Variants in UBA52 observed in about 807,000 individuals in gnomAD.
The protein encoded by UBA52 is ubiquitin A-52 residue ribosomal protein fusion product 1.
Under a neutral mutation model 15.3 loss-of-function variants are expected in UBA52, and 1 was observed. The ratio of observed to expected loss-of-function variants is 0.07; its 90% confidence interval spans 0.02 to 0.31. The LOEUF is 0.31. Ranked by LOEUF, UBA52 falls within the 10% of genes least tolerant of loss-of-function variation. UBA52 has a pLI of 1.00. For synonymous variants in UBA52, 50 were observed against 58.3 expected, an observed-to-expected ratio of 0.86 and a Z score of 0.65; for missense variants, 87 against 168.0, an observed-to-expected ratio of 0.52 and a Z score of 2.66.
the UBA52 span, among the ~76,000 whole-genome samples, chr19:18,565,479 G>A: frequency 2.8e-3 from 429 of 152,158 alleles, 1 homozygote; most frequent in South Asian, 9.5e-3. Flanking sequence ...TGATCCAGCC[G>A]CCTTGGCCTC....
upstream of UBA52, chr19:18,569,486 G>C (rs565255863): frequency 6.5e-6 from 1 of 152,674 alleles, no homozygotes; most frequent in African/African-American, 2.4e-5. Context: ...CAGACAATCA[G>C]GCACTACAGG....
At chr19:18,564,493 C>T in the UBA52 span, among the ~76,000 whole-genome samples, 7 of 152,196 alleles carry the variant, frequency 4.6e-5, no homozygotes, top group Non-Finnish European at 7.4e-5. Flanking sequence ...TGGTGGCGGA[C>T]GCCTGTAGTC....
upstream of UBA52, among the ~76,000 whole-genome samples, chr19:18,566,858 C>T (rs969669655): frequency 2.0e-5 from 3 of 152,194 alleles, no homozygotes; most frequent in Admixed American, 1.3e-4. Context: ...AGGGGGAGCC[C>T]CCAGCCAGTG....
In UBA52 at chr19:18,574,910, T is replaced by C. The variant is rs756370524; in HGVS notation, c.231T>C (p.Ile77=). ...LHLVLRLRGG[I]IEPSLRQLAQ... ...TGGTGTTGCGCCTGCGAGGTGGCAT[T>C]ATTGAGCCTTCTCTCCGCCAGCTTG... The change falls in exon 4 of 5, where the codon ATT becomes ATC. Residue 77 remains isoleucine, a synonymous_variant. Transcript: ENST00000442744. 1.9e-6 allele frequency: 3 copies of C among 1,614,030 alleles called. No homozygotes were observed. The highest frequency in any genetic ancestry group is 2.5e-6 in the Non-Finnish European group (3 of 1,180,014).
rs943894748 is a variant in UBA52, at chr19:18,572,857, C to T, written c.-8-436C>T. On this transcript the variant is annotated intron_variant, in intron 1 of 4. Transcript: ENST00000442744. ...GTGTTGTAGGGGATGGCTTCCCATC[C>T]AGGCTGGCAGCAGGAGCAGCCTGTG... The T allele has an allele frequency of 7.8e-6, 8 of 1,028,390 alleles. No individual in the cohort carries two copies. The East Asian group carries it at 5.3e-4, about 68-fold the overall frequency. 63.7% of individuals were successfully genotyped at this position (1,028,390 alleles called of 1,614,324 possible).
Position 18,572,995 on chromosome 19 carries a change from T to A in UBA52, c.-8-298T>A, listed in dbSNP as rs41292113. On this transcript the variant is annotated intron_variant, in intron 1 of 4. Transcript: ENST00000442744. Reference sequence around the variant, plus strand: ...CCATCAGGAGATACTGACGAGTCCTTCCGCCGCTAAACCTAAGGAGAATAA... The same window carrying A: ...CCATCAGGAGATACTGACGAGTCCTACCGCCGCTAAACCTAAGGAGAATAA... 67 of 1,221,236 alleles carry A rather than the reference T, an allele frequency of 5.5e-5. No homozygotes were observed. In the African/African-American group the frequency reaches 9.3e-4, roughly 17 times the overall value. 75.6% of individuals were successfully genotyped at this position (1,221,236 alleles called of 1,614,324 possible). A position where few individuals can be genotyped will look rare whatever the true frequency, so the allele number is the denominator to read the frequency against.
upstream of UBA52, chr19:18,567,398 C>A: frequency 3.1e-6 from 2 of 654,304 alleles, no homozygotes; most frequent in Admixed American, 2.3e-5. Flanking sequence ...CGTGGGGAGG[C>A]CGCACAGGAG....
upstream of UBA52, chr19:18,567,097 C>G (rs774047353): frequency 1.9e-6 from 3 of 1,610,234 alleles, no homozygotes; most frequent in Non-Finnish European, 2.5e-6. Context: ...ACCTGCTCAG[C>G]AGGTTAAGCC....
At chr19:18,572,910 A>G in intron 1 of UBA52, 2 of 1,085,844 alleles carry the variant, frequency 1.8e-6, no homozygotes, top group South Asian at 2.5e-5. Context: ...GCCGTGGAAG[A>G]GGGTGGGACC....
At position 18,574,857 on chromosome 19, in the gene UBA52, C is replaced by T; in HGVS notation, c.191-13C>T. The T allele has an allele frequency of 1.2e-6, 2 of 1,612,406 alleles. No individual in the cohort carries two copies. The highest frequency in any genetic ancestry group is 1.7e-6 in the Non-Finnish European group (2 of 1,179,916). On this transcript the variant is annotated splice_polypyrimidine_tract_variant and intron_variant, in intron 3 of 4. Coordinates refer to ENST00000442744, the MANE Select transcript of UBA52 (RefSeq NM_001033930.3). ...CTGGGCTCAGTCGCCGTCCTTCTGGCTGTCTCCTGCAGAGTCCACCCTGCA... is the reference window on the plus strand; with the variant it reads ...CTGGGCTCAGTCGCCGTCCTTCTGGTTGTCTCCTGCAGAGTCCACCCTGCA...
At chr19:18,573,533 A>G (rs1975615295) in intron 2 of UBA52, 129 bp from the exon 3 acceptor site, 2 of 1,307,918 alleles carry the variant, frequency 1.5e-6, no homozygotes, top group East Asian at 4.7e-5. Flanking sequence ...TGTGATCTGA[A>G]GAACGTTTGT....
chr19:18,568,786 G>A (rs1411297978), upstream of UBA52: 6 of 611,686 alleles, frequency 9.8e-6, no homozygotes, highest in Non-Finnish European at 1.4e-5. Flanking sequence ...GAGGGGTGTG[G>A]AATTCCTGGG....
rs934318069 is a variant in UBA52, at chr19:18,575,370, A to G, written c.*220A>G. The G allele has an allele frequency of 1.1e-5, 6 of 570,574 alleles. No homozygotes were observed. In the African/African-American group the frequency reaches 1.1e-4, roughly 11 times the overall value. 35.3% of individuals were successfully genotyped at this position (570,574 alleles called of 1,614,324 possible). On this transcript the variant is annotated 3_prime_UTR_variant, in exon 5 of 5. Coordinates refer to ENST00000442744, the MANE Select transcript of UBA52 (RefSeq NM_001033930.3). ...CTGTCCTAGATTCTGTCACATCGGC[A>G]TTGGTCCCTGCCCTATGCCCCTGAC...
At chr19:18,573,554 C>T in intron 2 of UBA52, 108 bp from the exon 3 acceptor site, 2 of 1,348,380 alleles carry the variant, frequency 1.5e-6, no homozygotes, top group Middle Eastern at 1.8e-4. Flanking sequence ...TATCTTCTAC[C>T]TCAGTTGGCC....
chr19:18,574,163 A>G (rs1008589709), intron 3 of UBA52, among the ~76,000 whole-genome samples: 1 of 151,308 alleles, frequency 6.6e-6, no homozygotes, highest in Non-Finnish European at 1.5e-5. Context: ...GCGTGCCTGT[A>G]GTCCCAGCTA....
At chr19:18,574,993 G>A in intron 4 of UBA52, 21 bp downstream of exon 4, 1 of 1,612,164 alleles carries the variant, frequency 6.2e-7, no homozygotes, top group South Asian at 1.1e-5. Context: ...TCCGATGCTT[G>A]GGGGGCTGTG....
upstream of UBA52, chr19:18,568,550 G>A: frequency 3.7e-6 from 6 of 1,613,908 alleles, no homozygotes; most frequent in Non-Finnish European, 5.1e-6. Context: ...CCGGCTTCGA[G>A]GACCTGTCCC....
upstream of UBA52, chr19:18,567,118 T>C: frequency 6.2e-7 from 1 of 1,613,826 alleles, no homozygotes; most frequent in South Asian, 1.1e-5. Context: ...CTGTGTGCCT[T>C]CTCTCCCCTG....
At chr19:18,565,083 C>T in the UBA52 span, 1 of 1,582,584 alleles carries the variant, frequency 6.3e-7, no homozygotes, top group Non-Finnish European at 8.6e-7. Context: ...ATCTGAGCCT[C>T]AGTTTCCTTC....
Sources: allele counts gnomAD v4.1 joint callset (sites outside exome capture counted in the v4.1 genomes callset), GRCh38; gene constraint gnomAD v4.1.1; transcripts MANE v1.5; gene names NCBI Gene and HGNC (gene_info 2026-07-23, HGNC 2026-07-21).